HMCN1: variants seen among roughly 807,000 people sequenced by gnomAD.
The protein encoded by HMCN1 is hemicentin 1.
A neutral mutation model predicts 625.9 loss-of-function variants in HMCN1; 321 were observed. The observed-to-expected ratio is 0.51, with a 90% CI of 0.47 to 0.56. The LOEUF is 0.56. Among genes scored for constraint, HMCN1 ranks in the 20% least tolerant of loss-of-function variants. HMCN1 has a pLI of 0.00. For synonymous variants in HMCN1, 2,425 were observed against 2,417.6 expected (o/e 1.00, Z -0.09); for missense variants, 6,588 against 6,887.3 (o/e 0.96, Z 1.54).
At chr1:185,917,770 AAG>A (rs1666793338) in intron 6 of HMCN1, among the ~76,000 whole-genome samples, 1 of 152,208 alleles carries the variant, frequency 6.6e-6, no homozygotes, top group Admixed American at 6.5e-5. Flanking sequence ...CCTTTAAACT[AAG>A]AAGTAAATCC....
At chr1:186,081,463 A>G in intron 56 of HMCN1, 69 bp downstream of exon 56, 1 of 1,117,884 alleles carries the variant, frequency 8.9e-7, no homozygotes, top group Non-Finnish European at 1.3e-6. Flanking sequence ...ATTGTTTTTG[A>G]CTTTTAAAAA....
intron 2 of HMCN1, among the ~76,000 whole-genome samples, chr1:185,861,793 A>C (rs1662890771): frequency 6.6e-6 from 1 of 152,202 alleles, no homozygotes; most frequent in Admixed American, 6.5e-5. Flanking sequence ...ATTTGACTGG[A>C]AACAAAGCTT....
chr1:185,787,819 T>A (rs1463772403), intron 1 of HMCN1, among the ~76,000 whole-genome samples: 1 of 152,232 alleles, frequency 6.6e-6, no homozygotes, highest in Non-Finnish European at 1.5e-5. Flanking sequence ...TATATTTCTA[T>A]ATTTATTTTT....
chr1:185,790,206 A>G (rs1657897505), intron 1 of HMCN1, among the ~76,000 whole-genome samples: 1 of 152,216 alleles, frequency 6.6e-6, no homozygotes, highest in Non-Finnish European at 1.5e-5. Context: ...TCATTGTTAA[A>G]TTTATTGAAA....
chr1:185,920,356 A>G, intron 6 of HMCN1, among the ~76,000 whole-genome samples: 1 of 152,152 alleles, frequency 6.6e-6, no homozygotes, highest in East Asian at 1.9e-4. Flanking sequence ...GATATCTTTT[A>G]TTTACAAACA....
intron 14 of HMCN1, among the ~76,000 whole-genome samples, chr1:185,967,647 A>G (rs554914606): frequency 6.8e-4 from 104 of 151,880 alleles, no homozygotes; most frequent in Non-Finnish European, 1.2e-3. Flanking sequence ...AATCTAGGGG[A>G]CAAACTCCTG....
At chr1:186,176,110 G>A (rs1391277931) in intron 103 of HMCN1, among the ~76,000 whole-genome samples, 1 of 152,006 alleles carries the variant, frequency 6.6e-6, no homozygotes, top group East Asian at 1.9e-4. Context: ...AGGAAGAATT[G>A]CAAGTACAGA....
rs536184494 is a variant in HMCN1, at chr1:185,928,739, A to T, written c.1552+72A>T. The T allele has an allele frequency of 8.4e-5, 125 of 1,490,988 alleles. No homozygotes were observed. The South Asian group carries it at 1.4e-3, about 16-fold the overall frequency. The allele number at this position is 1,490,988 out of a possible 1,614,324, so 92.4% of individuals were successfully genotyped here. A position where few individuals can be genotyped will look rare whatever the true frequency, so the allele number is the denominator to read the frequency against. On this transcript the variant is annotated intron_variant, in intron 10 of 106. Coordinates refer to ENST00000271588, the MANE Select transcript of HMCN1 (RefSeq NM_031935.3). The stretch of plus-strand genomic sequence containing the variant: ...TATGGAAATGGGATGTTTGTTAACC[A>T]GTTTGTGTTTATACAATTGTCTTTG...
At chr1:185,786,043 A>G (rs988072479) in intron 1 of HMCN1, among the ~76,000 whole-genome samples, 1 of 152,238 alleles carries the variant, frequency 6.6e-6, no homozygotes, top group African/African-American at 2.4e-5. Flanking sequence ...ACTGAGATCC[A>G]TAATCAGTAA....
intron 4 of HMCN1, among the ~76,000 whole-genome samples, chr1:185,903,533 A>C (rs1239310693): frequency 6.6e-6 from 1 of 151,696 alleles, no homozygotes; most frequent in Non-Finnish European, 1.5e-5. Flanking sequence ...ACAACACATC[A>C]CCAGCCACAC....
chr1:185,836,458 C>A (rs1661178469), intron 1 of HMCN1, among the ~76,000 whole-genome samples: 1 of 151,862 alleles, frequency 6.6e-6, no homozygotes, highest in African/African-American at 2.4e-5. Context: ...ATATAATAAA[C>A]ATTGGCTTAT....
chr1:185,758,110 C>A (rs996291362), intron 1 of HMCN1, among the ~76,000 whole-genome samples: 1 of 152,180 alleles, frequency 6.6e-6, no homozygotes, highest in African/African-American at 2.4e-5. Flanking sequence ...TCTTGGCAAT[C>A]GTGTCATTTG....
chr1:186,184,259 G>T (rs1421945229), intron 105 of HMCN1, among the ~76,000 whole-genome samples: 2 of 152,156 alleles, frequency 1.3e-5, no homozygotes, highest in Non-Finnish European at 2.9e-5. Context: ...TCTTTGCCCT[G>T]AAGAATAACT....
At chr1:185,794,964 G>A (rs1379401957) in intron 1 of HMCN1, among the ~76,000 whole-genome samples, 1 of 152,194 alleles carries the variant, frequency 6.6e-6, no homozygotes, top group Non-Finnish European at 1.5e-5. Context: ...ATTTACATCA[G>A]TTCTGGAATG....
At chr1:185,856,685 TG>T in intron 2 of HMCN1, among the ~76,000 whole-genome samples, 1 of 152,206 alleles carries the variant, frequency 6.6e-6, no homozygotes, top group South Asian at 2.1e-4. Context: ...GGGTAAATAT[TG>T]TAATGCCAAT....
At position 186,038,880 on chromosome 1, in the gene HMCN1, C is replaced by G. The variant is rs762052147; in HGVS notation, c.5903C>G (p.Thr1968Ser). ...CTACTCTCAGGTTCCACCAGCATGA[C>G]TTTCTTGAACAGAGGACAGATCATT... is the stretch of plus-strand genomic sequence containing the variant. The part of the protein sequence containing the change: ...NRLLSGSTSM[T>S]FLNRGQIIDI... The change falls in exon 38 of 107, where the codon ACT becomes AGT. Residue 1968 changes from threonine to serine, a missense_variant. Physicochemically the swap from Thr to Ser is moderately conservative, Grantham distance 58. Transcript: ENST00000271588. The G allele has an allele frequency of 2.5e-6, 4 of 1,604,120 alleles. No homozygotes were observed. The South Asian group carries it at 4.4e-5, about 18-fold the overall frequency.
intron 1 of HMCN1, among the ~76,000 whole-genome samples, chr1:185,736,940 G>A (rs1336162561): frequency 6.6e-6 from 1 of 152,156 alleles, no homozygotes; most frequent in Non-Finnish European, 1.5e-5. Flanking sequence ...TGTTTACATT[G>A]TGATTCAAAG....
intron 36 of HMCN1, among the ~76,000 whole-genome samples, chr1:186,034,329 A>G (rs1023406895): frequency 1.3e-5 from 2 of 152,196 alleles, no homozygotes; most frequent in Non-Finnish European, 2.9e-5. Flanking sequence ...CTTCTGACCT[A>G]TAAAACTGTA....
At position 186,151,623 on chromosome 1, in the gene HMCN1, A is replaced by ATAGTT; in HGVS notation, c.14778_14782dup (p.Ser4928Ter). 2.5e-6 allele frequency: 4 copies of ATAGTT among 1,612,808 alleles called. No homozygotes were observed. The highest frequency in any genetic ancestry group is 3.4e-6 in the Non-Finnish European group (4 of 1,179,020). The stretch of plus-strand genomic sequence containing the variant: ...TTCTTTAGGTTCAGCAATGAGAAAG[A>ATAGTT]TAGTTTCTATTCTAAATCCCATTTA... On this transcript the variant is annotated frameshift_variant, in exon 95 of 107. Transcript: ENST00000271588. LOFTEE classifies it high-confidence loss of function.
Sources: allele counts gnomAD v4.1 joint callset (sites outside exome capture counted in the v4.1 genomes callset), GRCh38; gene constraint gnomAD v4.1.1; transcripts MANE v1.5; gene names NCBI Gene and HGNC (gene_info 2026-07-23, HGNC 2026-07-21).